Variants in IGF1R observed in about 807,000 individuals in gnomAD.
IGF1R encodes the protein insulin-like growth factor 1 receptor.
Under a neutral mutation model 144.6 loss-of-function variants are expected in IGF1R, and 44 were observed. That is an observed-to-expected ratio of 0.30 (90% confidence interval 0.24 to 0.39). The LOEUF (loss-of-function observed/expected upper bound fraction) is 0.39, where lower values mean the gene tolerates loss of function less well. Ranked by LOEUF, IGF1R falls within the 10% of genes least tolerant of loss-of-function variation. The probability of loss-of-function intolerance (pLI) is 1.00; values close to 1 mark genes in which losing one functional copy is unlikely to be tolerated. For synonymous variants in IGF1R, 795 were observed against 722.8 expected, an observed-to-expected ratio of 1.10 and a Z score of -1.60; for missense variants, 1,355 against 1,833.7, an observed-to-expected ratio of 0.74 and a Z score of 4.77.
In IGF1R at chr15:98,648,561, G is replaced by C. The variant is rs1377325567; in HGVS notation, c.-1021G>C. The stretch of plus-strand genomic sequence containing the variant: ...CCCAGTGTGTGGCAGCGGCGGCGGC[G>C]GCGCGGCGAGGCTGGGGCTCTTGTT... On this transcript the variant is annotated 5_prime_UTR_variant, in exon 1 of 21. Transcript: ENST00000650285. Among the ~76,000 whole-genome samples, 1 of 146,164 alleles carries C rather than the reference G, an allele frequency of 6.8e-6. No individual in the cohort carries two copies. The highest frequency in any genetic ancestry group is 6.8e-5 in the Admixed American group (1 of 14,786).
intron 1 of IGF1R, among the ~76,000 whole-genome samples, chr15:98,698,465 T>C (rs983051141): frequency 2.0e-5 from 3 of 152,254 alleles, no homozygotes; most frequent in Non-Finnish European, 4.4e-5. Context: ...CATTCTCTCC[T>C]ACCACAGCCA....
At chr15:98,855,982 G>T (rs2011790960) in intron 2 of IGF1R, among the ~76,000 whole-genome samples, 1 of 152,228 alleles carries the variant, frequency 6.6e-6, no homozygotes, top group African/African-American at 2.4e-5. Flanking sequence ...GCAACACGGT[G>T]GCCAAAGCAT....
At chr15:98,914,360 A>G (rs2015150923) in intron 8 of IGF1R, among the ~76,000 whole-genome samples, 1 of 152,260 alleles carries the variant, frequency 6.6e-6, no homozygotes, top group Admixed American at 6.5e-5. Flanking sequence ...TTAAATACCC[A>G]TAAGCGAGCA....
At chr15:98,885,183 G>A (rs904369046) in intron 2 of IGF1R, among the ~76,000 whole-genome samples, 1 of 152,166 alleles carries the variant, frequency 6.6e-6, no homozygotes, top group Non-Finnish European at 1.5e-5. Flanking sequence ...GTGAGCCCTG[G>A]GAGGGCTGGG....
chr15:98,864,029 CA>C (rs988243335), intron 2 of IGF1R, among the ~76,000 whole-genome samples: 2 of 152,032 alleles, frequency 1.3e-5, no homozygotes, highest in South Asian at 4.2e-4. Context: ...AGGCCATAGG[CA>C]AGAGGATTGC....
rs76981944 is a variant in IGF1R at position 98,746,346 on chromosome 15, A to G, written c.640+38239A>G. Among the ~76,000 whole-genome samples, 588 of 152,292 alleles carry G rather than the reference A, an allele frequency of 3.9e-3. 9 individuals are homozygous for G. The highest frequency in any genetic ancestry group is 0.036 in the East Asian group (187 of 5,180). ...GCATTATGTATCAAAACTTAGTGCT[A>G]TCTCCTCAGGTGCAGGGTTCTCTGG... On this transcript the variant is annotated intron_variant, in intron 2 of 20. Coordinates refer to ENST00000650285, the MANE Select transcript of IGF1R (RefSeq NM_000875.5).
intron 20 of IGF1R, among the ~76,000 whole-genome samples, chr15:98,954,823 G>A (rs1265644218): frequency 1.3e-5 from 2 of 152,180 alleles, no homozygotes; most frequent in Non-Finnish European, 2.9e-5. Context: ...GGGGAGTTTG[G>A]AAAGGCAGGC....
intron 3 of IGF1R, among the ~76,000 whole-genome samples, chr15:98,896,435 C>G (rs941539466): frequency 6.6e-6 from 1 of 152,196 alleles, no homozygotes; most frequent in Non-Finnish European, 1.5e-5. Flanking sequence ...GCAGCACTGT[C>G]TCTCCCACAT....
intron 2 of IGF1R, among the ~76,000 whole-genome samples, chr15:98,787,096 C>T (rs1219788902): frequency 3.3e-5 from 5 of 152,132 alleles, no homozygotes; most frequent in South Asian, 2.1e-4. Context: ...CTTGGACCTC[C>T]TTCGGGGCTG....
chr15:98,874,973 G>C (rs1363734727), intron 2 of IGF1R, among the ~76,000 whole-genome samples: 1 of 152,186 alleles, frequency 6.6e-6, no homozygotes, highest in Non-Finnish European at 1.5e-5. Flanking sequence ...CTGGGTTTCA[G>C]GTCACACTGA....
intron 1 of IGF1R, among the ~76,000 whole-genome samples, chr15:98,680,028 A>G (rs1469362390): frequency 1.3e-5 from 2 of 152,276 alleles, no homozygotes; most frequent in African/African-American, 2.4e-5. Context: ...AAAATTTAAG[A>G]AAAATAAAGT....
intron 20 of IGF1R, 132 bp from the exon 21 acceptor site, chr15:98,956,929 G>T: frequency 3.0e-6 from 3 of 1,001,412 alleles, no homozygotes; most frequent in Non-Finnish European, 4.6e-6. Flanking sequence ...GGGATGGAGA[G>T]GGGCAGCAGG....
chr15:98,674,004 A>T (rs541876871), intron 1 of IGF1R, among the ~76,000 whole-genome samples: 135 of 152,322 alleles, frequency 8.9e-4, no homozygotes, highest in Non-Finnish European at 1.5e-3. Flanking sequence ...GACAAGTTTC[A>T]TTGGCAGAGT....
At chr15:98,937,753 T>C (rs962095234) in intron 17 of IGF1R, among the ~76,000 whole-genome samples, 6 of 152,196 alleles carry the variant, frequency 3.9e-5, no homozygotes, top group African/African-American at 1.4e-4. Context: ...GTTGAGTGCT[T>C]TTGTTGATTC....
intron 9 of IGF1R, 52 bp from the exon 10 acceptor site, chr15:98,916,620 T>C (rs2015262361): frequency 2.7e-6 from 4 of 1,459,230 alleles, no homozygotes; most frequent in East Asian, 2.3e-5. Flanking sequence ...CTTACAAGCA[T>C]GTATAACGGC....
intron 1 of IGF1R, chr15:98,650,816 T>C (rs930165291): frequency 1.3e-6 from 1 of 761,792 alleles, no homozygotes; most frequent in Non-Finnish European, 1.6e-6. Flanking sequence ...ACGTAGTTAA[T>C]AAGCAGTGTC....
rs1295228682 is a variant in IGF1R at position 98,957,757 on chromosome 15, CCT to C, written c.*316_*317del. On this transcript the variant is annotated 3_prime_UTR_variant, in exon 21 of 21. Transcript: ENST00000650285. The stretch of plus-strand genomic sequence containing the variant: ...TCTCCTCACTCTGTCCCTGTCCTTC[CCT>C]GTTCTCCCTTTCTCTCTCCTCTCTG... 9.1e-6 allele frequency: 4 copies of C among 440,348 alleles called. No individual in the cohort carries two copies. In the Admixed American group the frequency reaches 1.2e-4, roughly 13 times the overall value. The allele number at this position is 440,348 out of a possible 1,614,324, so 27.3% of individuals were successfully genotyped here. A position where few individuals can be genotyped will look rare whatever the true frequency, so the allele number is the denominator to read the frequency against.
chr15:98,701,324 A>ATT lies in IGF1R; in HGVS notation c.95-6209_95-6208dup, dbSNP rs10581900. Among the ~76,000 whole-genome samples, 6 of 73,016 alleles carry ATT rather than the reference A, an allele frequency of 8.2e-5. 1 individual carries two copies. The highest frequency in any genetic ancestry group is 3.8e-4 in the African/African-American group (6 of 15,936). The allele number at this position is 73,016 out of a possible 152,430, so 47.9% of individuals were successfully genotyped here. On this transcript the variant is annotated intron_variant, in intron 1 of 20. Coordinates refer to ENST00000650285, the MANE Select transcript of IGF1R (RefSeq NM_000875.5). The stretch of plus-strand genomic sequence containing the variant: ...TCCAACTATAAGCTAAGCCTATCTC[A>ATT]TTTTTTTTTTTTTTTTTTTTTTTTT...
At chr15:98,724,674 C>G (rs1253201974) in intron 2 of IGF1R, among the ~76,000 whole-genome samples, 2 of 152,216 alleles carry the variant, frequency 1.3e-5, no homozygotes, top group Non-Finnish European at 2.9e-5. Context: ...GACTGGAGCA[C>G]TTTGCCCTTA....
Sources: gnomAD v4.1 joint callset for allele counts (sites outside exome capture counted in the v4.1 genomes callset) on GRCh38, gnomAD v4.1.1 for gene constraint, MANE v1.5 for transcripts, NCBI Gene and HGNC (gene_info 2026-07-23, HGNC 2026-07-21) for gene names.